The following MORF4L1 variants were observed in gnomAD, a reference collection of about 807,000 sequenced individuals.
MORF4L1 encodes mortality factor 4-like protein 1.
MORF4L1 carries 4 observed loss-of-function variants against 52.9 expected under a neutral mutation model. The observed-to-expected ratio is 0.08, with a 90% CI of 0.04 to 0.17. The LOEUF (loss-of-function observed/expected upper bound fraction) is 0.17. Ranked by LOEUF, MORF4L1 falls within the 10% of genes least tolerant of loss-of-function variation. MORF4L1 has a pLI of 1.00. For missense variants in MORF4L1, 214 were observed against 390.4 expected (o/e 0.55, Z 3.81); for synonymous variants, 123 against 134.8 (o/e 0.91, Z 0.61).
intron 3 of MORF4L1, among the ~76,000 whole-genome samples, chr15:78,884,668 C>T (rs1008391607): frequency 0.024 from 724 of 29,966 alleles, 16 homozygotes; most frequent in East Asian, 0.21. Context: ...AATACACACA[C>T]ACACACACAC....
At chr15:78,875,290 AAG>A (rs1338941608) in intron 1 of MORF4L1, among the ~76,000 whole-genome samples, 12 of 152,290 alleles carry the variant, frequency 7.9e-5, no homozygotes, top group African/African-American at 2.9e-4. Context: ...GTTGCTAGTT[AAG>A]AGAGGAGTAG....
intron 5 of MORF4L1, among the ~76,000 whole-genome samples, chr15:78,889,389 C>T (rs1318215607): frequency 6.6e-6 from 1 of 152,222 alleles, no homozygotes; most frequent in African/African-American, 2.4e-5. Context: ...ACCTGTTGAA[C>T]ATCCCAAATC....
In MORF4L1 at chr15:78,887,261, T is replaced by A; in HGVS notation, c.243-8T>A. The A allele has an allele frequency of 6.3e-7, 1 of 1,598,524 alleles. No individual in the cohort carries two copies. The highest frequency in any genetic ancestry group is 8.5e-7 in the Non-Finnish European group (1 of 1,176,204). On this transcript the variant is annotated splice_polypyrimidine_tract_variant and splice_region_variant and intron_variant, in intron 4 of 11. Coordinates refer to ENST00000426013, the MANE Select transcript of MORF4L1 (RefSeq NM_006791.4). ...TTTATGTTGACATTACTGAAATTATTTTTGAAGGGAGCAGTATGCAGAGGG... is the reference window on the plus strand; with the variant it reads ...TTTATGTTGACATTACTGAAATTATATTTGAAGGGAGCAGTATGCAGAGGG...
intron 1 of MORF4L1, among the ~76,000 whole-genome samples, chr15:78,876,187 C>T (rs957970628): frequency 6.6e-6 from 1 of 151,946 alleles, no homozygotes; most frequent in Non-Finnish European, 1.5e-5. Context: ...CCGCCTACTT[C>T]GCCGTCGCAA....
intron 11 of MORF4L1, among the ~76,000 whole-genome samples, chr15:78,895,319 G>A (rs912196245): frequency 3.9e-5 from 6 of 152,104 alleles, no homozygotes; most frequent in South Asian, 2.1e-4. Flanking sequence ...AGAGTTCTTC[G>A]GTAAGAAATG....
intron 7 of MORF4L1, among the ~76,000 whole-genome samples, chr15:78,891,857 C>T (rs1409487763): frequency 6.6e-6 from 1 of 151,998 alleles, no homozygotes; most frequent in Non-Finnish European, 1.5e-5. Context: ...TAAAGATGTA[C>T]CTTTAAGATG....
intron 11 of MORF4L1, among the ~76,000 whole-genome samples, chr15:78,895,333 A>C (rs1391889629): frequency 6.6e-6 from 1 of 152,256 alleles, no homozygotes; most frequent in African/African-American, 2.4e-5. Flanking sequence ...AGAAATGAAC[A>C]AACCAGTGAA....
At chr15:78,876,243 A>G (rs543035308) in intron 1 of MORF4L1, among the ~76,000 whole-genome samples, 89 of 149,602 alleles carry the variant, frequency 5.9e-4, no homozygotes, top group Admixed American at 1.1e-3. Flanking sequence ...GCCGAGAAAT[A>G]GGGTTTTTAA....
At chr15:78,883,566 T>G (rs931730266) in intron 3 of MORF4L1, among the ~76,000 whole-genome samples, 1 of 152,216 alleles carries the variant, frequency 6.6e-6, no homozygotes, top group Admixed American at 6.5e-5. Context: ...AATGATAGGT[T>G]TGTGTAGATT....
intron 3 of MORF4L1, among the ~76,000 whole-genome samples, chr15:78,881,570 T>G (rs1342553847): frequency 6.6e-6 from 1 of 152,122 alleles, no homozygotes; most frequent in Non-Finnish European, 1.5e-5. Flanking sequence ...GGGTATAGAT[T>G]GAACACATTC....
chr15:78,878,140 A>G, intron 1 of MORF4L1, 73 bp from the exon 2 acceptor site: 2 of 1,461,178 alleles, frequency 1.4e-6, no homozygotes, highest in Admixed American at 2.0e-5. Context: ...TAAAAGTGTG[A>G]TGACTCTCTA....
chr15:78,887,380 C>G, intron 5 of MORF4L1, 31 bp downstream of exon 5: 1 of 1,551,834 alleles, frequency 6.4e-7, no homozygotes, highest in Non-Finnish European at 8.8e-7. Flanking sequence ...ATTTTGCATA[C>G]TATATGTGAA....
At chr15:78,891,239 C>T (rs2056796644) in intron 6 of MORF4L1, 1 of 669,856 alleles carries the variant, frequency 1.5e-6, no homozygotes, top group Non-Finnish European at 2.6e-6. Flanking sequence ...TAATGTCTCC[C>T]ACTGAGAAGA....
At chr15:78,874,941 GAA>G (rs917346956) in intron 1 of MORF4L1, among the ~76,000 whole-genome samples, 3 of 151,306 alleles carry the variant, frequency 2.0e-5, no homozygotes, top group Non-Finnish European at 4.4e-5. Context: ...CCTAAACCCC[GAA>G]AAAAACCACC....
chr15:78,882,123 C>T (rs1427141654), intron 3 of MORF4L1, among the ~76,000 whole-genome samples: 1 of 152,164 alleles, frequency 6.6e-6, no homozygotes, highest in Non-Finnish European at 1.5e-5. Flanking sequence ...TGCATCCTGA[C>T]AACTTGTGGG....
chr15:78,897,171 A>G lies in MORF4L1; in HGVS notation c.*104A>G, dbSNP rs1254615997. On this transcript the variant is annotated 3_prime_UTR_variant, in exon 12 of 12. Transcript: ENST00000426013. ...GCTTTGAAGATGTTAGTGTATAACA[A>G]TTGATGTTTGTTTTCTGTTTGATTT... 2.4e-5 allele frequency: 20 copies of G among 836,416 alleles called. No individual in the cohort carries two copies. The highest frequency in any genetic ancestry group is 1.0e-4 in the African/African-American group (6 of 58,666). The allele number at this position is 836,416 out of a possible 1,614,324, so 51.8% of individuals were successfully genotyped here.
intron 1 of MORF4L1, chr15:78,873,839 T>TATTA (rs1437030816): frequency 4.6e-5 from 7 of 152,274 alleles, no homozygotes; most frequent in Non-Finnish European, 8.8e-5. Flanking sequence ...CCTATGGTAA[T>TATTA]GTGAGTGAGC....
intron 2 of MORF4L1, 40 bp downstream of exon 2, chr15:78,878,299 A>C: frequency 6.3e-7 from 1 of 1,589,942 alleles, no homozygotes; most frequent in Non-Finnish European, 8.6e-7. Flanking sequence ...GGCCAAAACT[A>C]CTGGTTAGAT....
Position 78,878,219 on chromosome 15 carries a change from G to A in MORF4L1, c.47G>A (p.Arg16Gln). 4.3e-6 allele frequency: 7 copies of A among 1,611,952 alleles called. No homozygotes were observed. Among genetic ancestry groups the A allele is most frequent in the Non-Finnish European group, 4.2e-6 (5 of 1,179,548 alleles). Residue 16 changes from arginine (R) to glutamine (Q), a missense_variant, in exon 2 of 12, where the codon CGA (arginine) becomes CAA (glutamine). By Grantham distance (43) the Arg-to-Gln change is conservative (BLOSUM62 1). Coordinates refer to ENST00000426013, the MANE Select transcript of MORF4L1 (RefSeq NM_006791.4). Reference sequence around the variant, plus strand: ...ACTTTTTCTCCCTTTACAGGTGAGCGAGTGCTGTGCTTTCATGGGCCTCTT... The same window carrying A: ...ACTTTTTCTCCCTTTACAGGTGAGCAAGTGCTGTGCTTTCATGGGCCTCTT... Reference protein sequence around the residue: ...DPKPKFQEGERVLCFHGPLLY... With the variant: ...DPKPKFQEGEQVLCFHGPLLY...
Sources: gnomAD v4.1 joint callset for allele counts (sites outside exome capture counted in the v4.1 genomes callset) on GRCh38, gnomAD v4.1.1 for gene constraint, MANE v1.5 for transcripts, NCBI Gene and HGNC (gene_info 2026-07-23, HGNC 2026-07-21) for gene names.